The following ABL2 variants were observed in gnomAD, a reference collection of about 807,000 sequenced individuals.
ABL2 encodes tyrosine-protein kinase ABL2.
In ABL2, 49 loss-of-function variants were observed where a neutral mutation model predicts 107.7. The ratio of observed to expected loss-of-function variants is 0.45; its 90% CI spans 0.36 to 0.58. The LOEUF (loss-of-function observed/expected upper bound fraction) is 0.58, where lower values mean the gene tolerates loss of function less well. Among genes scored for constraint, ABL2 ranks in the 20% least tolerant of loss-of-function variants. The pLI, the probability that ABL2 is intolerant of heterozygous loss-of-function variation, is 0.00. For synonymous variants in ABL2, 549 were observed against 548.6 expected, an observed-to-expected ratio of 1.00 and a Z score of -0.01; for missense variants, 1,245 against 1,457.0, an observed-to-expected ratio of 0.85 and a Z score of 2.37.
chr1:179,156,046 C>A (rs1475909893), intron 1 of ABL2, among the ~76,000 whole-genome samples: 1 of 152,142 alleles, frequency 6.6e-6, no homozygotes, highest in Admixed American at 6.5e-5. Flanking sequence ...GGACACCTGT[C>A]ACTGTACTGT....
intron 1 of ABL2, among the ~76,000 whole-genome samples, chr1:179,216,670 T>C (rs1662578194): frequency 6.6e-6 from 1 of 152,152 alleles, no homozygotes; most frequent in Non-Finnish European, 1.5e-5. Flanking sequence ...TCTTTATAAG[T>C]TGCATATTGC....
chr1:179,118,544 A>G (rs750420790), intron 7 of ABL2, 43 bp downstream of exon 7: 3 of 1,571,760 alleles, frequency 1.9e-6, no homozygotes, highest in Non-Finnish European at 2.6e-6. Context: ...CTGCATGTCA[A>G]GCAAGATGGC....
rs536938437 is a variant in ABL2, at chr1:179,111,024, C to T, written c.1652-569G>A. On this transcript the variant is annotated intron_variant, in intron 10 of 11. Coordinates refer to ENST00000502732, the MANE Select transcript of ABL2 (RefSeq NM_007314.4). ...TTGCAGATGGAGTCTCACCCTGTTG[C>T]CCAGGCTGGAGTGCAATGGCGTGAT... 3.4e-5 allele frequency among the ~76,000 whole-genome samples: 5 copies of T among 146,720 alleles called. No homozygotes were observed. In the East Asian group the frequency reaches 9.9e-4, roughly 29 times the overall value.
chr1:179,130,171 A>G (rs1656150232), intron 3 of ABL2, among the ~76,000 whole-genome samples: 1 of 152,186 alleles, frequency 6.6e-6, no homozygotes, highest in Admixed American at 6.5e-5. Flanking sequence ...CAAACTCCTG[A>G]GCTCAGACAA....
chr1:179,109,282 G>A lies in ABL2; in HGVS notation c.1985C>T (p.Ala662Val), dbSNP rs1653810843. ...FFSSFMKKRN[A>V]PTPPKRSSSF... ...GCTGCTGCGTTTGGGGGGTGTAGGA[G>A]CATTTCTCTTCTTCATGAAGGAGCT... is the stretch of plus-strand genomic sequence containing the variant. The change falls in exon 12 of 12, where the codon GCT becomes GTT. Residue 662 changes from alanine (A) to valine (V), a missense_variant. Physicochemically the swap from Ala to Val is moderately conservative, Grantham distance 64 (BLOSUM62 0). This residue lies in a region of ABL2 where 761 missense variants were observed against 766.4 expected (regional missense o/e 0.99). Coordinates refer to ENST00000502732, the MANE Select transcript of ABL2 (RefSeq NM_007314.4). 6.2e-7 allele frequency: 1 copy of A among 1,613,962 alleles called. No individual in the cohort carries two copies. Among genetic ancestry groups the A allele is most frequent in the Non-Finnish European group, 8.5e-7 (1 of 1,180,028 alleles).
In ABL2 at chr1:179,229,607, C is replaced by T. The variant is rs1206573041; in HGVS notation, c.-210G>A. ...GACTCACAGATTCTGCTTTTCCCTC[C>T]TCCTGTCGCGGCTCCGCGCCCCCAA... On this transcript the variant is annotated 5_prime_UTR_variant, in exon 1 of 12. Transcript: ENST00000502732. 4 of 543,580 alleles carry T rather than the reference C, an allele frequency of 7.4e-6. No individual in the cohort carries two copies. The highest frequency in any genetic ancestry group is 1.2e-5 in the Non-Finnish European group (4 of 327,758). 33.7% of individuals were successfully genotyped at this position (543,580 alleles called of 1,614,324 possible).
chr1:179,130,894 A>G (rs920959122), intron 3 of ABL2, among the ~76,000 whole-genome samples: 1 of 151,882 alleles, frequency 6.6e-6, no homozygotes. Context: ...CCTTTTGAAC[A>G]TATGAAAGCC....
rs2102578435 is a variant in ABL2 at position 179,108,921 on chromosome 1, G to A, written c.2346C>T (p.Asn782=). 1.2e-6 allele frequency: 2 copies of A among 1,614,206 alleles called. No homozygotes were observed. The highest frequency in any genetic ancestry group is 1.7e-6 in the Non-Finnish European group (2 of 1,180,028). ...GCCCTGAGGACATGGAAGATGTAGA[G>A]TTTGACCTTGGAAAAGGCTTGGAAG... is the stretch of plus-strand genomic sequence containing the variant. ...DDTSKPFPRS[N]STSSMSSGLP... is the part of the protein sequence containing the mutation. Residue 782 remains asparagine, a synonymous_variant, in exon 12 of 12, where the codon AAC becomes AAT. Coordinates refer to ENST00000502732, the MANE Select transcript of ABL2 (RefSeq NM_007314.4).
intron 1 of ABL2, among the ~76,000 whole-genome samples, chr1:179,171,194 A>G (rs961299431): frequency 6.6e-6 from 1 of 152,230 alleles, no homozygotes; most frequent in Admixed American, 6.5e-5. Context: ...GATTGCCTTT[A>G]TAACTATTGG....
intron 10 of ABL2, among the ~76,000 whole-genome samples, chr1:179,112,012 T>A (rs1424166618): frequency 6.6e-6 from 1 of 151,604 alleles, no homozygotes; most frequent in Non-Finnish European, 1.5e-5. Flanking sequence ...ACCACTGCAC[T>A]CCAGCCTGGG....
chr1:179,191,994 A>T (rs1661051653), intron 1 of ABL2, among the ~76,000 whole-genome samples: 1 of 152,234 alleles, frequency 6.6e-6, no homozygotes, highest in Admixed American at 6.5e-5. Context: ...TAAGAAAAAT[A>T]CATTTAATTG....
At position 179,100,446 on chromosome 1, in the gene ABL2, C is replaced by A; in HGVS notation, c.*7272G>T. 1 of 227,000 alleles carries A rather than the reference C, an allele frequency of 4.4e-6. No homozygotes were observed. The highest frequency in any genetic ancestry group is 8.8e-6 in the Non-Finnish European group (1 of 114,202). The allele number at this position is 227,000 out of a possible 1,614,324, so 14.1% of individuals were successfully genotyped here. A position where few individuals can be genotyped will look rare whatever the true frequency, so the allele number is the denominator to read the frequency against. On this transcript the variant is annotated 3_prime_UTR_variant, in exon 12 of 12. Transcript: ENST00000502732. The stretch of plus-strand genomic sequence containing the variant: ...AATTTGCATATTCTTTTTATTGTGT[C>A]ATAATTGCTGAAAATTAAGTATACA...
At chr1:179,136,442 C>T (rs1429751600) in intron 1 of ABL2, among the ~76,000 whole-genome samples, 2 of 152,180 alleles carry the variant, frequency 1.3e-5, no homozygotes, top group Admixed American at 1.3e-4. Context: ...ACATGTGCTG[C>T]ATCCACTCAG....
At chr1:179,226,721 TCAC>T in intron 1 of ABL2, among the ~76,000 whole-genome samples, 1 of 152,186 alleles carries the variant, frequency 6.6e-6, no homozygotes, top group Admixed American at 6.5e-5. Context: ...ACTATTATTA[TCAC>T]CACTTTACAA....
At chr1:179,214,659 C>G (rs1248584251) in intron 1 of ABL2, among the ~76,000 whole-genome samples, 1 of 150,788 alleles carries the variant, frequency 6.6e-6, no homozygotes, top group East Asian at 2.0e-4. Context: ...AATATATATA[C>G]CCTTCGGATG....
chr1:179,116,966 A>T (rs1474544325), intron 8 of ABL2: 2 of 302,082 alleles, frequency 6.6e-6, no homozygotes, highest in Admixed American at 4.4e-5. Context: ...CAGCCTCTTG[A>T]ATAGCTGGGA....
At chr1:179,135,971 C>A (rs1164591623) in intron 1 of ABL2, among the ~76,000 whole-genome samples, 1 of 145,142 alleles carries the variant, frequency 6.9e-6, no homozygotes, top group Non-Finnish European at 1.5e-5. Flanking sequence ...GGGGTCAGCC[C>A]CCCATCCGGC....
In ABL2 at chr1:179,119,585, T is replaced by C. The variant is rs1174390257; in HGVS notation, c.1045+605A>G. On this transcript the variant is annotated intron_variant, in intron 6 of 11. Transcript: ENST00000502732. ...AAAAAAAAAAAACCTGGCCCTATTT[T>C]AAAAAAGGAAAAAGGCTTAGTAAGA... is the stretch of plus-strand genomic sequence containing the variant. Among the ~76,000 whole-genome samples the C allele has an allele frequency of 3.3e-5, 5 of 151,386 alleles. No homozygotes were observed. The East Asian group carries it at 7.7e-4, about 23-fold the overall frequency.
At chr1:179,219,934 T>C (rs1018656307) in intron 1 of ABL2, among the ~76,000 whole-genome samples, 1 of 152,246 alleles carries the variant, frequency 6.6e-6, no homozygotes. Flanking sequence ...ACAATAAAAC[T>C]GATATTTATT....
Sources: allele counts gnomAD v4.1 joint callset (sites outside exome capture counted in the v4.1 genomes callset), GRCh38; gene constraint gnomAD v4.1.1; regional missense constraint gnomAD v4.1.1; transcripts MANE v1.5; gene names NCBI Gene and HGNC (gene_info 2026-07-23, HGNC 2026-07-21).